The following ZNF43 variants were observed in gnomAD, a reference collection of about 807,000 sequenced individuals.
The protein encoded by ZNF43 is zinc finger protein 43.
Under a neutral mutation model 68.4 loss-of-function variants are expected in ZNF43, and 44 were observed. The ratio of observed to expected loss-of-function variants is 0.64; its 90% confidence interval spans 0.51 to 0.83. The LOEUF (loss-of-function observed/expected upper bound fraction) is 0.83. Ranked by LOEUF, ZNF43 falls within the 40% of genes least tolerant of loss-of-function variation. ZNF43 has a pLI of 0.00. For missense variants in ZNF43, 896 were observed against 933.2 expected, an observed-to-expected ratio of 0.96 and a Z score of 0.52; for synonymous variants, 308 against 307.8, an observed-to-expected ratio of 1.00 and a Z score of -0.01.
In ZNF43 at chr19:21,807,482, G is replaced by C; in HGVS notation, c.*125C>G. ...GGTACGAGCATTAATTAAAAGTTTTGCCACATTCTTCACACTTGTAGAAGT... is the reference window on the plus strand; with the variant it reads ...GGTACGAGCATTAATTAAAAGTTTTCCCACATTCTTCACACTTGTAGAAGT... On this transcript the variant is annotated 3_prime_UTR_variant, in exon 4 of 4. Transcript: ENST00000354959. 1 of 945,494 alleles carries C rather than the reference G, an allele frequency of 1.1e-6. No homozygotes were observed. The highest frequency in any genetic ancestry group is 1.5e-6 in the Non-Finnish European group (1 of 664,270). The allele number at this position is 945,494 out of a possible 1,614,324, so 58.6% of individuals were successfully genotyped here. A position where few individuals can be genotyped will look rare whatever the true frequency, so the allele number is the denominator to read the frequency against.
chr19:21,840,993 CCATT>C (rs1307992230), upstream of ZNF43: 3 of 152,186 alleles, frequency 2.0e-5, no homozygotes, highest in Non-Finnish European at 4.4e-5. Flanking sequence ...ACTGTGGACT[CCATT>C]CACGTGTGAA....
At position 21,842,766 on chromosome 19, in the gene ZNF43, C is replaced by T. The variant is rs1967631661; in HGVS notation, c.30+9139G>A. ...CTCCACTGTGGACAAGTTTCAGAGA[C>T]AAAAGGAGAGTCATATAATCTAGTT... On this transcript the variant is annotated intron_variant, in intron 1 of 3. Transcript: ENST00000357491. Among the ~76,000 whole-genome samples, 3 of 152,134 alleles carry T rather than the reference C, an allele frequency of 2.0e-5. No individual in the cohort carries two copies. The South Asian group carries it at 6.2e-4, about 31-fold the overall frequency.
Position 21,807,981 on chromosome 19 carries a change from C to T in ZNF43, c.2056G>A (p.Ala686Thr), listed in dbSNP as rs1398603345. ...KPYKCEECGKAFKLSSTLSTH... is the reference protein window; with the variant it reads ...KPYKCEECGKTFKLSSTLSTH... ...GAAAGGGTTGAGGACAGTTTAAAAGCTTTGCCACATTCTTCACATTTGTAG... is the reference window on the plus strand; with the variant it reads ...GAAAGGGTTGAGGACAGTTTAAAAGTTTTGCCACATTCTTCACATTTGTAG... The change falls in exon 4 of 4, where the codon GCT becomes ACT. Residue 686 changes from alanine to threonine, a missense_variant. Transcript: ENST00000354959. 1.2e-6 allele frequency: 2 copies of T among 1,612,696 alleles called. No individual in the cohort carries two copies. Among genetic ancestry groups the T allele is most frequent in the Admixed American group, 3.3e-5 (2 of 60,014 alleles).
Position 21,833,348 on chromosome 19 carries a change from C to A in ZNF43, c.3+2688G>T, listed in dbSNP as rs144300170. Among the ~76,000 whole-genome samples the A allele has an allele frequency of 4.6e-3, 694 of 152,276 alleles. 5 individuals carry two copies. Among genetic ancestry groups the A allele is most frequent in the African/African-American group, 0.016 (664 of 41,558 alleles). On this transcript the variant is annotated intron_variant, in intron 1 of 3. Coordinates refer to ENST00000354959, the MANE Select transcript of ZNF43 (RefSeq NM_003423.4). Reference sequence around the variant, plus strand: ...ATGGCGCGACCTCAGCTCACTGCAACCTCGGCCTCCCAGGTTCAAGCGATT... The same window carrying A: ...ATGGCGCGACCTCAGCTCACTGCAAACTCGGCCTCCCAGGTTCAAGCGATT...
chr19:21,822,095 C>T (rs1351060699), intron 1 of ZNF43, among the ~76,000 whole-genome samples: 5 of 54,508 alleles, frequency 9.2e-5, no homozygotes, highest in Non-Finnish European at 2.0e-4. Flanking sequence ...TATTTTTGTC[C>T]TTTATAACCG....
Position 21,836,081 on chromosome 19 carries a change from C to T in ZNF43, c.-43G>A. ...GTCCTGGCGTCTTAGCTGTGGATCC[C>T]CCAATACCCGCAGGTCACAGAGCCA... On this transcript the variant is annotated 5_prime_UTR_variant, in exon 1 of 4. Coordinates refer to ENST00000354959, the MANE Select transcript of ZNF43 (RefSeq NM_003423.4). 3 of 1,613,398 alleles carry T rather than the reference C, an allele frequency of 1.9e-6. No individual in the cohort carries two copies. Among genetic ancestry groups the T allele is most frequent in the East Asian group, 2.2e-5 (1 of 44,864 alleles).
intron 3 of ZNF43, among the ~76,000 whole-genome samples, chr19:21,816,392 T>C (rs2145203665): frequency 6.6e-6 from 1 of 152,270 alleles, no homozygotes; most frequent in Middle Eastern, 3.4e-3. Flanking sequence ...AAAACTCACA[T>C]AAAGCCCAAG....
At chr19:21,825,698 G>A (rs757586142) in intron 1 of ZNF43, among the ~76,000 whole-genome samples, 7 of 152,064 alleles carry the variant, frequency 4.6e-5, no homozygotes, top group Non-Finnish European at 7.3e-5. Context: ...TACTTTGATC[G>A]GGTTTCTGGG....
exon 1 of ZNF43, chr19:21,852,037 G>T: frequency 7.6e-7 from 1 of 1,313,010 alleles, no homozygotes; most frequent in Non-Finnish European, 1.0e-6. Flanking sequence ...AGCAGAGGCG[G>T]GTCCCAAGGT....
chr19:21,835,204 G>A (rs1337172162), intron 1 of ZNF43, among the ~76,000 whole-genome samples: 1 of 129,716 alleles, frequency 7.7e-6, no homozygotes, highest in Non-Finnish European at 1.6e-5. Context: ...AGCCGAGATA[G>A]CACCATTGCA....
chr19:21,808,366 CTTA>C lies in ZNF43; in HGVS notation c.1668_1670del (p.His556_Lys557delinsGln). ...AGGGTTTCTCTCCAGTATGAATCCTCTTATGTTTGGTAAGGATTGAGAAATGGT... is the reference window on the plus strand; with the variant it reads ...AGGGTTTCTCTCCAGTATGAATCCTCTGTTTGGTAAGGATTGAGAAATGGT... On this transcript the variant is annotated inframe_deletion, in exon 4 of 4. Coordinates refer to ENST00000354959, the MANE Select transcript of ZNF43 (RefSeq NM_003423.4). The C allele has an allele frequency of 6.2e-7, 1 of 1,611,964 alleles. No individual in the cohort carries two copies. The highest frequency in any genetic ancestry group is 8.5e-7 in the Non-Finnish European group (1 of 1,179,524).
At chr19:21,812,017 T>C (rs1415932140) in intron 3 of ZNF43, 1 of 398,496 alleles carries the variant, frequency 2.5e-6, no homozygotes, top group Non-Finnish European at 4.4e-6. Context: ...TCGAAATTAC[T>C]GTACATCAAA....
rs779334585 is a variant in ZNF43 at position 21,851,976 on chromosome 19, C to G, written c.-42G>C. On this transcript the variant is annotated 5_prime_UTR_variant, in exon 1 of 4. Coordinates refer to the ZNF43 transcript ENST00000357491. Reference sequence around the variant, plus strand: ...CCAGGACTTGCAGATCACAGGGTAACGGAGGCTGCGACAAAGTCACCGGGG... The same window carrying G: ...CCAGGACTTGCAGATCACAGGGTAAGGGAGGCTGCGACAAAGTCACCGGGG... The G allele has an allele frequency of 3.3e-6, 5 of 1,533,540 alleles. No homozygotes were observed. The South Asian group carries it at 4.8e-5, about 15-fold the overall frequency. The allele number at this position is 1,533,540 out of a possible 1,614,324, so 95.0% of individuals were successfully genotyped here. A position where few individuals can be genotyped will look rare whatever the true frequency, so the allele number is the denominator to read the frequency against.
intron 1 of ZNF43, among the ~76,000 whole-genome samples, chr19:21,821,549 T>C (rs149168559): frequency 2.0e-5 from 3 of 152,274 alleles, no homozygotes; most frequent in African/African-American, 4.8e-5. Context: ...AACTCAACAT[T>C]ACATGTTCTC....
At chr19:21,837,286 TAATGGAATAATA>T (rs1967174078), upstream of ZNF43, among the ~76,000 whole-genome samples, 1 of 152,144 alleles carries the variant, frequency 6.6e-6, no homozygotes, top group Non-Finnish European at 1.5e-5. Context: ...ACAGAAGTTC[TAATGGAATAATA>T]AATGGAATCC....
At chr19:21,818,994 C>T (rs1265626724) in intron 2 of ZNF43, 101 bp downstream of exon 2, 2 of 1,456,374 alleles carry the variant, frequency 1.4e-6, no homozygotes, top group Non-Finnish European at 1.8e-6. Flanking sequence ...GAATCTGAAA[C>T]TCATGAATGC....
At chr19:21,815,014 C>A (rs1445803157) in intron 3 of ZNF43, among the ~76,000 whole-genome samples, 4 of 151,652 alleles carry the variant, frequency 2.6e-5, no homozygotes, top group African/African-American at 7.3e-5. Flanking sequence ...ATGATGAAAC[C>A]CTGTCTCTAC....
chr19:21,815,062 C>T (rs967557078), intron 3 of ZNF43, among the ~76,000 whole-genome samples: 1 of 151,924 alleles, frequency 6.6e-6, no homozygotes, highest in East Asian at 1.9e-4. Flanking sequence ...ATGGCAAATG[C>T]CTATAATCCC....
chr19:21,829,803 T>C (rs1035958844), intron 1 of ZNF43, among the ~76,000 whole-genome samples: 1 of 152,120 alleles, frequency 6.6e-6, no homozygotes. Context: ...TCAGTAGACA[T>C]TGGATTCATT....
Sources: allele counts gnomAD v4.1 joint callset (sites outside exome capture counted in the v4.1 genomes callset), GRCh38; gene constraint gnomAD v4.1.1; transcripts MANE v1.5; gene names NCBI Gene and HGNC (gene_info 2026-07-23, HGNC 2026-07-21).